NPAS3: variants seen among roughly 807,000 people sequenced by gnomAD.
NPAS3 encodes neuronal PAS domain-containing protein 3.
NPAS3 carries 14 observed loss-of-function variants against 73.1 expected under a neutral mutation model. That is an observed-to-expected ratio of 0.19 (90% CI 0.13 to 0.30). NPAS3 has a LOEUF of 0.30. Among genes scored for constraint, NPAS3 ranks in the 10% least tolerant of loss-of-function variants. NPAS3 has a pLI of 1.00. For synonymous variants in NPAS3, 620 were observed against 541.5 expected, an observed-to-expected ratio of 1.14 and a Z score of -2.01; for missense variants, 1,096 against 1,250.0, an observed-to-expected ratio of 0.88 and a Z score of 1.86.
chr14:33,376,593 G>C (rs1231348418), intron 4 of NPAS3, among the ~76,000 whole-genome samples: 1 of 152,164 alleles, frequency 6.6e-6, no homozygotes, highest in East Asian at 1.9e-4. Flanking sequence ...GTTAACCTCA[G>C]AGCCAGGGCC....
chr14:33,340,089 A>G (rs2044401740), intron 3 of NPAS3, among the ~76,000 whole-genome samples: 1 of 152,100 alleles, frequency 6.6e-6, no homozygotes, highest in Non-Finnish European at 1.5e-5. Context: ...CATTTTTTGA[A>G]TAAGGAAACA....
At chr14:33,769,171 C>T (rs1207281506) in intron 7 of NPAS3, among the ~76,000 whole-genome samples, 1 of 152,192 alleles carries the variant, frequency 6.6e-6, no homozygotes, top group Non-Finnish European at 1.5e-5. Context: ...TGTATGTTTT[C>T]TCCTTTGGCA....
chr14:32,969,864 T>A (rs2037347882), intron 1 of NPAS3, among the ~76,000 whole-genome samples: 1 of 152,192 alleles, frequency 6.6e-6, no homozygotes, highest in African/African-American at 2.4e-5. Context: ...TAATTTTTAG[T>A]ACTCTGCTAT....
At chr14:33,460,677 A>T (rs2050220963) in intron 4 of NPAS3, among the ~76,000 whole-genome samples, 1 of 152,090 alleles carries the variant, frequency 6.6e-6, no homozygotes. Context: ...TTGCAAATTG[A>T]TTCTTCTACT....
At chr14:33,234,651 G>A (rs866438840) in intron 3 of NPAS3, among the ~76,000 whole-genome samples, 1 of 152,112 alleles carries the variant, frequency 6.6e-6, no homozygotes, top group African/African-American at 2.4e-5. Context: ...CATTTTGCAC[G>A]AATGCCATCC....
chr14:33,484,366 T>C (rs1448956890), intron 4 of NPAS3, among the ~76,000 whole-genome samples: 1 of 152,178 alleles, frequency 6.6e-6, no homozygotes, highest in Non-Finnish European at 1.5e-5. Context: ...AGTTGATCTA[T>C]ATTTGTCTTC....
intron 2 of NPAS3, among the ~76,000 whole-genome samples, chr14:33,057,455 T>G (rs2040931653): frequency 6.6e-6 from 1 of 152,240 alleles, no homozygotes. Context: ...AAGGACCAAA[T>G]TAAAGCAGGA....
At chr14:32,964,212 C>A (rs1421622067) in intron 1 of NPAS3, among the ~76,000 whole-genome samples, 2 of 137,898 alleles carry the variant, frequency 1.5e-5, no homozygotes, top group African/African-American at 2.6e-5. Context: ...TTAGTATTTG[C>A]TATATGCATG....
At chr14:33,198,741 A>T (rs1594371727) in intron 2 of NPAS3, among the ~76,000 whole-genome samples, 1 of 152,020 alleles carries the variant, frequency 6.6e-6, no homozygotes, top group Non-Finnish European at 1.5e-5. Context: ...ATTCGCCTGC[A>T]CTCCTGAGCC....
At chr14:33,024,019 G>C (rs893610448) in intron 1 of NPAS3, among the ~76,000 whole-genome samples, 1 of 152,120 alleles carries the variant, frequency 6.6e-6, no homozygotes, top group African/African-American at 2.4e-5. Flanking sequence ...AGACACTTTA[G>C]TTTGTTTTTG....
chr14:33,520,668 A>G (rs2281628), intron 4 of NPAS3, among the ~76,000 whole-genome samples: 86,505 of 151,906 alleles, frequency 0.57, 24,656 homozygotes, highest in South Asian at 0.67. Flanking sequence ...AGGAATAAAA[A>G]CAACACAATT....
chr14:33,339,418 G>A (rs941468625), intron 3 of NPAS3, among the ~76,000 whole-genome samples: 1 of 152,130 alleles, frequency 6.6e-6, no homozygotes, highest in East Asian at 1.9e-4. Flanking sequence ...CTTTTTCAAA[G>A]CCTCTTTTTT....
At chr14:33,167,671 C>A (rs1012464447) in intron 2 of NPAS3, among the ~76,000 whole-genome samples, 3 of 152,118 alleles carry the variant, frequency 2.0e-5, no homozygotes, top group Non-Finnish European at 2.9e-5. Context: ...TTCTTGAATG[C>A]ACATTTGTGA....
chr14:32,955,754 A>G (rs1322840705), intron 1 of NPAS3, among the ~76,000 whole-genome samples: 1 of 152,136 alleles, frequency 6.6e-6, no homozygotes, highest in Non-Finnish European at 1.5e-5. Flanking sequence ...ATTGATATTT[A>G]CATTTCATCC....
chr14:33,091,684 A>ACC lies in NPAS3; in HGVS notation c.140+35691_140+35692dup, dbSNP rs556433164. Among the ~76,000 whole-genome samples, 1,139 of 152,236 alleles carry ACC rather than the reference A, an allele frequency of 7.5e-3. 14 individuals are homozygous for ACC. The highest frequency in any genetic ancestry group is 0.026 in the African/African-American group (1,099 of 41,526). On this transcript the variant is annotated intron_variant, in intron 2 of 11. Coordinates refer to ENST00000356141, the Ensembl canonical transcript of NPAS3. ...ACACAACAAAAAAAGAGAATTTTAG[A>ACC]CCAATATCCCTGATGAACGTCGATG... is the stretch of plus-strand genomic sequence containing the variant.
chr14:33,055,085 A>G (rs1305485559), intron 1 of NPAS3, among the ~76,000 whole-genome samples: 1 of 152,222 alleles, frequency 6.6e-6, no homozygotes, highest in African/African-American at 2.4e-5. Context: ...AAATGACATT[A>G]CTTTCCTCTA....
chr14:33,228,055 G>C (rs185639478), intron 3 of NPAS3, among the ~76,000 whole-genome samples: 3 of 152,284 alleles, frequency 2.0e-5, no homozygotes, highest in Admixed American at 2.0e-4. Flanking sequence ...GCAGTGAGCT[G>C]AGATTGTGTT....
At chr14:33,051,000 C>A (rs956844967) in intron 1 of NPAS3, among the ~76,000 whole-genome samples, 2 of 152,140 alleles carry the variant, frequency 1.3e-5, no homozygotes, top group Admixed American at 6.5e-5. Context: ...GAAGGCCGGG[C>A]GCGGTGGCTC....
intron 4 of NPAS3, among the ~76,000 whole-genome samples, chr14:33,385,384 T>C (rs1246195062): frequency 6.6e-6 from 1 of 152,188 alleles, no homozygotes; most frequent in Non-Finnish European, 1.5e-5. Flanking sequence ...TTAGTGTATA[T>C]AAATGCAAGG....
Sources: gnomAD v4.1 joint callset for allele counts (sites outside exome capture counted in the v4.1 genomes callset) on GRCh38, gnomAD v4.1.1 for gene constraint, MANE v1.5 for transcripts, NCBI Gene and HGNC (gene_info 2026-07-23, HGNC 2026-07-21) for gene names.